The following COX7B2 variants were observed in gnomAD, a reference collection of about 807,000 sequenced individuals.
COX7B2 encodes the protein cytochrome c oxidase subunit 7B2, mitochondrial.
For missense variants in COX7B2, 109 were observed against 95.9 expected (o/e 1.14, Z -0.57); for synonymous variants, 37 against 32.1 (o/e 1.15, Z -0.51).
chr4:46,846,975 T>A (rs1164006967), intron 1 of COX7B2, among the ~76,000 whole-genome samples: 2 of 152,000 alleles, frequency 1.3e-5, no homozygotes, highest in African/African-American at 2.4e-5. Context: ...ATTTGAGATG[T>A]CCACTAGATC....
chr4:46,794,274 C>G (rs1190051953), intron 2 of COX7B2, among the ~76,000 whole-genome samples: 1 of 152,074 alleles, frequency 6.6e-6, no homozygotes, highest in African/African-American at 2.4e-5. Flanking sequence ...CATGGACTCA[C>G]AAAACAGAGA....
intron 1 of COX7B2, among the ~76,000 whole-genome samples, chr4:46,890,155 C>T (rs1359335842): frequency 6.6e-6 from 1 of 152,112 alleles, no homozygotes; most frequent in Admixed American, 6.6e-5. Flanking sequence ...AGTCCTAAAG[C>T]TTTATGTTAC....
chr4:46,782,511 G>A (rs2109556683), intron 2 of COX7B2, among the ~76,000 whole-genome samples: 1 of 151,994 alleles, frequency 6.6e-6, no homozygotes, highest in East Asian at 1.9e-4. Context: ...TCAGCAGGAT[G>A]TTGGGGGCGG....
intron 2 of COX7B2, among the ~76,000 whole-genome samples, chr4:46,771,410 C>G (rs146088886): frequency 7.4e-4 from 113 of 152,152 alleles, no homozygotes; most frequent in African/African-American, 2.6e-3. Context: ...TATGGAGACT[C>G]TACATAAAAA....
chr4:46,889,115 C>A (rs1395263314), intron 1 of COX7B2, among the ~76,000 whole-genome samples: 1 of 152,022 alleles, frequency 6.6e-6, no homozygotes, highest in Non-Finnish European at 1.5e-5. Context: ...TATTATGTGT[C>A]CGCAAATTTA....
chr4:46,798,951 T>C (rs1340532573), intron 2 of COX7B2, among the ~76,000 whole-genome samples: 2 of 152,174 alleles, frequency 1.3e-5, no homozygotes, highest in Non-Finnish European at 2.9e-5. Context: ...CTCTTTCAGC[T>C]CTAAGAGACC....
Position 46,782,013 on chromosome 4 carries a change from C to T in COX7B2, c.-49-46772G>A, listed in dbSNP as rs765051782. On this transcript the variant is annotated intron_variant, in intron 2 of 2. Transcript: ENST00000355591. The stretch of plus-strand genomic sequence containing the variant: ...CCGCCCCCTGCTTGTGGCACCTGGT[C>T]GCACTGACCTCCCAAGGGCTGAGGA... Among the ~76,000 whole-genome samples the T allele has an allele frequency of 5.3e-5, 8 of 152,152 alleles. No individual in the cohort carries two copies. The South Asian group carries it at 6.2e-4, about 12-fold the overall frequency.
At chr4:46,816,455 A>C (rs1212136209) in intron 2 of COX7B2, among the ~76,000 whole-genome samples, 1 of 152,114 alleles carries the variant, frequency 6.6e-6, no homozygotes, top group Non-Finnish European at 1.5e-5. Flanking sequence ...TTAAATTCTC[A>C]TGGTACTTTA....
intron 2 of COX7B2, among the ~76,000 whole-genome samples, chr4:46,743,508 T>C (rs1714834642): frequency 1.3e-5 from 2 of 152,220 alleles, no homozygotes; most frequent in African/African-American, 4.8e-5. Context: ...AGTTTGACAG[T>C]GATTCCAATT....
intron 2 of COX7B2, among the ~76,000 whole-genome samples, chr4:46,839,539 G>A (rs2109751204): frequency 6.6e-6 from 1 of 152,078 alleles, no homozygotes; most frequent in Non-Finnish European, 1.5e-5. Context: ...CTGTGTTATT[G>A]AAAAGGCACA....
intron 1 of COX7B2, among the ~76,000 whole-genome samples, chr4:46,886,195 T>TA (rs930909169): frequency 6.6e-6 from 1 of 152,192 alleles, no homozygotes; most frequent in African/African-American, 2.4e-5. Context: ...TTCTTCTGTA[T>TA]AAAATGCATT....
At position 46,806,159 on chromosome 4, in the gene COX7B2, A is replaced by G. The variant is rs1560393212; in HGVS notation, c.-50+38801T>C. On this transcript the variant is annotated intron_variant, in intron 2 of 2. Coordinates refer to ENST00000355591, the MANE Select transcript of COX7B2 (RefSeq NM_130902.3). The stretch of plus-strand genomic sequence containing the variant: ...ATGGATTCACATTTCCTTTTAATGT[A>G]CTGGCCCTAAATATGCCCCTGCAAT... 5.3e-5 allele frequency among the ~76,000 whole-genome samples: 8 copies of G among 152,230 alleles called. 1 individual carries two copies. The highest frequency in any genetic ancestry group is 1.9e-4 in the East Asian group (1 of 5,184).
intron 2 of COX7B2, among the ~76,000 whole-genome samples, chr4:46,776,546 G>T (rs768694575): frequency 2.0e-5 from 3 of 152,050 alleles, no homozygotes; most frequent in African/African-American, 4.8e-5. Flanking sequence ...GATTAAGCGT[G>T]TAAAGTACTG....
intron 1 of COX7B2, among the ~76,000 whole-genome samples, chr4:46,900,977 T>C (rs1472846662): frequency 6.6e-6 from 1 of 152,216 alleles, no homozygotes; most frequent in Non-Finnish European, 1.5e-5. Flanking sequence ...TTTTTAGCAG[T>C]TCTAGAACTT....
At chr4:46,742,945 T>C in intron 2 of COX7B2, among the ~76,000 whole-genome samples, 1 of 152,210 alleles carries the variant, frequency 6.6e-6, no homozygotes, top group Non-Finnish European at 1.5e-5. Context: ...GTTTCTTTTA[T>C]GGAGCAGATC....
intron 2 of COX7B2, among the ~76,000 whole-genome samples, chr4:46,770,926 T>G (rs1716841090): frequency 1.3e-5 from 2 of 152,122 alleles, no homozygotes; most frequent in African/African-American, 2.4e-5. Flanking sequence ...AGTAATTTTT[T>G]TATATGACCC....
intron 2 of COX7B2, among the ~76,000 whole-genome samples, chr4:46,750,682 C>T (rs895904913): frequency 2.0e-5 from 3 of 152,038 alleles, no homozygotes; most frequent in African/African-American, 7.2e-5. Flanking sequence ...GCCTGCATGG[C>T]TTAAACAACA....
At chr4:46,775,085 T>C (rs1312825404) in intron 2 of COX7B2, among the ~76,000 whole-genome samples, 2 of 152,072 alleles carry the variant, frequency 1.3e-5, no homozygotes, top group East Asian at 3.8e-4. Flanking sequence ...TTACCTCAAT[T>C]CTAGACATTG....
At position 46,881,133 on chromosome 4, in the gene COX7B2, G is replaced by A. The variant is rs1004805427; in HGVS notation, c.-105+28027C>T. Among the ~76,000 whole-genome samples, 3 of 151,962 alleles carry A rather than the reference G, an allele frequency of 2.0e-5. No individual in the cohort carries two copies. The East Asian group carries it at 5.8e-4, about 29-fold the overall frequency. The stretch of plus-strand genomic sequence containing the variant: ...TCTGAGACAGGTCTCAATTAATTTA[G>A]AAAGTTTATTTTGCCAAGGTTGAGG... On this transcript the variant is annotated intron_variant, in intron 1 of 2. Transcript: ENST00000355591.
Sources: allele counts gnomAD v4.1 joint callset (sites outside exome capture counted in the v4.1 genomes callset), GRCh38; gene constraint gnomAD v4.1.1; transcripts MANE v1.5; gene names NCBI Gene and HGNC (gene_info 2026-07-23, HGNC 2026-07-21).